The following ARHGEF10 variants were observed in gnomAD, a reference collection of about 807,000 sequenced individuals.
The protein encoded by ARHGEF10 is Rho guanine nucleotide exchange factor (GEF) 10.
Under a neutral mutation model 147.4 loss-of-function variants are expected in ARHGEF10, and 140 were observed. That is an observed-to-expected ratio of 0.95 (90% confidence interval 0.83 to 1.09). The LOEUF is 1.09. Among genes scored for constraint, ARHGEF10 ranks in the 50% least tolerant of loss-of-function variants. The pLI, the probability that ARHGEF10 is intolerant of heterozygous loss-of-function variation, is 0.00. For synonymous variants in ARHGEF10, 902 were observed against 695.8 expected (o/e 1.30, Z -4.67); for missense variants, 2,222 against 1,752.7 (o/e 1.27, Z -4.78).
intron 11 of ARHGEF10, among the ~76,000 whole-genome samples, chr8:1,893,055 C>A: frequency 7.5e-6 from 1 of 133,798 alleles, no homozygotes; most frequent in Non-Finnish European, 1.5e-5. Context: ...CATTCTTGGC[C>A]TCATAGGTAG....
chr8:1,914,543 C>G (rs886607390), intron 18 of ARHGEF10, among the ~76,000 whole-genome samples: 4 of 152,258 alleles, frequency 2.6e-5, no homozygotes, highest in Admixed American at 6.5e-5. Flanking sequence ...CTCCTTATGC[C>G]TGTAAGAGTG....
chr8:1,956,169 T>C (rs1000636175), intron 28 of ARHGEF10, among the ~76,000 whole-genome samples: 4 of 152,216 alleles, frequency 2.6e-5, no homozygotes, highest in Non-Finnish European at 5.9e-5. Context: ...TGTGTGTGGC[T>C]TTAAGAAGAC....
chr8:1,829,968 A>G (rs1802988783), intron 1 of ARHGEF10, among the ~76,000 whole-genome samples: 1 of 152,200 alleles, frequency 6.6e-6, no homozygotes, highest in African/African-American at 2.4e-5. Flanking sequence ...GGAGCGAGTC[A>G]TAGGTAGCGG....
At chr8:1,955,233 ACT>A (rs1480335919) in intron 28 of ARHGEF10, among the ~76,000 whole-genome samples, 50 of 149,086 alleles carry the variant, frequency 3.4e-4, no homozygotes, top group South Asian at 1.5e-3. Context: ...AAGGAGGTGC[ACT>A]CTCACTGTTC....
At chr8:1,862,885 TCTC>T (rs1272105605) in intron 4 of ARHGEF10, among the ~76,000 whole-genome samples, 2 of 151,412 alleles carry the variant, frequency 1.3e-5, no homozygotes, top group Non-Finnish European at 2.9e-5. Flanking sequence ...TTCACACCGT[TCTC>T]CTGCCTCAGC....
At chr8:1,836,862 C>A (rs1050388285) in intron 1 of ARHGEF10, among the ~76,000 whole-genome samples, 1 of 152,198 alleles carries the variant, frequency 6.6e-6, no homozygotes, top group Non-Finnish European at 1.5e-5. Context: ...GAATAAGTCT[C>A]ACGAGATCTG....
At chr8:1,956,215 T>G (rs1475477192) in intron 28 of ARHGEF10, among the ~76,000 whole-genome samples, 1 of 152,196 alleles carries the variant, frequency 6.6e-6, no homozygotes, top group Admixed American at 6.5e-5. Context: ...GACTTTAAAA[T>G]TTGAATCACA....
In ARHGEF10 at chr8:1,888,210, GGGCGAGGGTTGCGAGGAGACAGTGAGTGT is replaced by G. The variant is rs1563234024; in HGVS notation, c.1182+2506_1182+2534del. ...AGGGTTTGCGAGGAGACACTTAGTG[GGGCGAGGGTTGCGAGGAGACAGTGAGTGT>G]GGTGAGGGTTGCGAGGAGATGCTGA... On this transcript the variant is annotated intron_variant, in intron 11 of 28. Coordinates refer to ENST00000349830, the MANE Select transcript of ARHGEF10 (RefSeq NM_014629.4). Among the ~76,000 whole-genome samples the G allele has an allele frequency of 3.3e-3, 197 of 59,770 alleles. 27 individuals are homozygous for G. The highest frequency in any genetic ancestry group is 1.0e-2 in the Admixed American group (70 of 7,030). 39.2% of individuals were successfully genotyped at this position (59,770 alleles called of 152,430 possible). A position where few individuals can be genotyped will look rare whatever the true frequency, so the allele number is the denominator to read the frequency against.
intron 7 of ARHGEF10, among the ~76,000 whole-genome samples, chr8:1,875,347 A>C (rs182164198): frequency 3.9e-5 from 6 of 152,154 alleles, no homozygotes; most frequent in African/African-American, 1.4e-4. Context: ...CCCCTAGTAC[A>C]TGGTAGAGGC....
At chr8:1,896,540 T>A in intron 14 of ARHGEF10, 91 bp downstream of exon 14, 1 of 948,768 alleles carries the variant, frequency 1.1e-6, no homozygotes, top group Non-Finnish European at 1.7e-6. Flanking sequence ...TATTCGTTAT[T>A]AAGATTTCAG....
At chr8:1,824,807 GT>G (rs1336299844) in intron 1 of ARHGEF10, among the ~76,000 whole-genome samples, 22 of 18,178 alleles carry the variant, frequency 1.2e-3, no homozygotes, top group South Asian at 4.0e-3. Context: ...CACCCCACCT[GT>G]TCCCCCTGCA....
intron 27 of ARHGEF10, among the ~76,000 whole-genome samples, chr8:1,947,885 G>A (rs1273356848): frequency 6.6e-6 from 1 of 151,738 alleles, no homozygotes; most frequent in Non-Finnish European, 1.5e-5. Flanking sequence ...TCCTGTAGAA[G>A]AGAAAGATGG....
chr8:1,956,999 C>T lies in ARHGEF10; in HGVS notation c.3771C>T (p.Ser1257=), dbSNP rs1292463862. 1 of 1,614,136 alleles carries T rather than the reference C, an allele frequency of 6.2e-7. No individual in the cohort carries two copies. The highest frequency in any genetic ancestry group is 8.5e-7 in the Non-Finnish European group (1 of 1,180,044). ...CGATGACTCAGAAAAGCGACCTGTCCTCCTCATCTGGGTCCCTGAGCTTGT... is the reference window on the plus strand; with the variant it reads ...CGATGACTCAGAAAAGCGACCTGTCTTCCTCATCTGGGTCCCTGAGCTTGT... The part of the protein sequence containing the change: ...LGSMTQKSDL[S]SSSGSLSLSH... The change falls in exon 29 of 29, where the codon TCC becomes TCT. Residue 1257 remains serine (S), a synonymous_variant. Transcript: ENST00000349830.
chr8:1,945,863 A>C, intron 27 of ARHGEF10: 1 of 484,736 alleles, frequency 2.1e-6, no homozygotes, highest in Non-Finnish European at 3.3e-6. Context: ...GGTGCAGGGC[A>C]CAGGTCCTGA....
chr8:1,853,323 C>A (rs1458868873), intron 2 of ARHGEF10, among the ~76,000 whole-genome samples: 2 of 152,244 alleles, frequency 1.3e-5, no homozygotes, highest in Admixed American at 6.5e-5. Flanking sequence ...TCCTGGGCTC[C>A]ACAGGGACCA....
chr8:1,864,482 C>G, intron 5 of ARHGEF10, 46 bp downstream of exon 5: 1 of 1,583,860 alleles, frequency 6.3e-7, no homozygotes, highest in Non-Finnish European at 8.7e-7. Flanking sequence ...CCGCCTTTCT[C>G]CTGAGGAGCT....
rs10594929 is a variant in ARHGEF10, at chr8:1,862,775, C to CT, written c.482-1577dup. Among the ~76,000 whole-genome samples the CT allele has an allele frequency of 5.5e-3, 659 of 120,456 alleles. 5 individuals are homozygous for CT. Among genetic ancestry groups the CT allele is most frequent in the Non-Finnish European group, 6.4e-3 (376 of 59,140 alleles). 79.0% of individuals were successfully genotyped at this position (120,456 alleles called of 152,430 possible). On this transcript the variant is annotated intron_variant, in intron 4 of 28. Transcript: ENST00000349830. ...TGTTTCTTTTCCTTTTTTTCTTCTT[C>CT]TTTTTTTTTTTTTTTTTTTTTGAGA...
chr8:1,906,388 G>A (rs886814143), intron 17 of ARHGEF10, among the ~76,000 whole-genome samples: 2 of 152,132 alleles, frequency 1.3e-5, no homozygotes. Flanking sequence ...CTAAACATTT[G>A]GTAGCTTGAA....
intron 9 of ARHGEF10, 139 bp downstream of exon 9, chr8:1,880,303 G>T: frequency 1.4e-6 from 1 of 691,966 alleles, no homozygotes; most frequent in Non-Finnish European, 2.6e-6. Context: ...CCGACGCTTT[G>T]GGGCTCACGT....
Sources: allele counts gnomAD v4.1 joint callset (sites outside exome capture counted in the v4.1 genomes callset), GRCh38; gene constraint gnomAD v4.1.1; transcripts MANE v1.5; gene names NCBI Gene and HGNC (gene_info 2026-07-23, HGNC 2026-07-21).